The following RAB43 variants were observed in gnomAD, a reference collection of about 807,000 sequenced individuals.
RAB43 encodes the protein ras-related protein Rab-43.
A neutral mutation model predicts 18.8 loss-of-function variants in RAB43; 6 were observed. That is an observed-to-expected ratio of 0.32 (90% confidence interval 0.17 to 0.63). RAB43 has a LOEUF of 0.63. RAB43 is among the 30% of genes least tolerant of loss of function. The pLI, the probability that RAB43 is intolerant of heterozygous loss-of-function variation, is 0.79. For synonymous variants in RAB43, 103 were observed against 124.1 expected, an observed-to-expected ratio of 0.83 and a Z score of 1.13; for missense variants, 195 against 289.1, an observed-to-expected ratio of 0.67 and a Z score of 2.36.
intron 1 of RAB43, among the ~76,000 whole-genome samples, chr3:129,110,095 G>A (rs1395695585): frequency 6.6e-6 from 1 of 151,978 alleles, no homozygotes; most frequent in Non-Finnish European, 1.5e-5. Context: ...AAATTCCTGG[G>A]CTGTAGCAAT....
intron 2 of RAB43, chr3:129,092,685 G>A (rs927621042): frequency 1.3e-5 from 6 of 453,014 alleles, no homozygotes; most frequent in South Asian, 3.9e-5. Context: ...GGCCGGGCGC[G>A]GTGGCTCACG....
chr3:129,120,228 C>A (rs183208382), intron 1 of RAB43, among the ~76,000 whole-genome samples: 2 of 152,290 alleles, frequency 1.3e-5, no homozygotes, highest in East Asian at 1.9e-4. Context: ...CAGAAATTAT[C>A]CCAATTTTAT....
intron 1 of RAB43, among the ~76,000 whole-genome samples, chr3:129,102,581 G>C (rs1934493145): frequency 7.8e-6 from 1 of 127,932 alleles, no homozygotes; most frequent in African/African-American, 2.8e-5. Flanking sequence ...AGTGAGCCGA[G>C]ATAGTGCCAC....
chr3:129,109,497 G>A (rs1353971195), intron 1 of RAB43, among the ~76,000 whole-genome samples: 1 of 151,916 alleles, frequency 6.6e-6, no homozygotes, highest in East Asian at 1.9e-4. Context: ...AACACTTTGG[G>A]AGGCTGAGGC....
Position 129,094,975 on chromosome 3 carries a change from C to A in RAB43, c.388+11G>T. ...GATGGGATTTGTGGTCCCGAGGAAT[C>A]CCCAACTCACCGATCAGCAGCTGCA... On this transcript the variant is annotated intron_variant, in intron 2 of 2. Coordinates refer to ENST00000315150, the MANE Select transcript of RAB43 (RefSeq NM_198490.3). 6.2e-7 allele frequency: 1 copy of A among 1,608,854 alleles called. No homozygotes were observed. Among genetic ancestry groups the A allele is most frequent in the Non-Finnish European group, 8.5e-7 (1 of 1,176,898 alleles).
chr3:129,112,848 T>C lies in RAB43; in HGVS notation c.204+8438A>G, dbSNP rs560063689. On this transcript the variant is annotated intron_variant, in intron 1 of 2. Coordinates refer to ENST00000315150, the MANE Select transcript of RAB43 (RefSeq NM_198490.3). ...TACCTGCAGACTTGATCTCTGGGAC[T>C]TAAGCAATCCTCCCGCCTCAGCCTC... 2.4e-4 allele frequency among the ~76,000 whole-genome samples: 37 copies of C among 152,076 alleles called. 1 individual carries two copies. The South Asian group carries it at 6.6e-3, about 27-fold the overall frequency.
Position 129,095,991 on chromosome 3 carries a change from G to T in RAB43, c.205-822C>A, listed in dbSNP as rs1194615501. ...CACCAGCCAAGGGGCATATGCCAGG[G>T]ATCTTGGTGACCAAACACCTTGGGG... is the stretch of plus-strand genomic sequence containing the variant. On this transcript the variant is annotated intron_variant, in intron 1 of 2. Transcript: ENST00000315150. This position sits in a 1 kb window ranked among gnomAD's most constrained non-coding sequence, Gnocchi z 4.2. Among the ~76,000 whole-genome samples the T allele has an allele frequency of 6.6e-6, 1 of 152,222 alleles. No homozygotes were observed.
chr3:129,099,831 G>A (rs1037134471), intron 1 of RAB43, among the ~76,000 whole-genome samples: 10 of 152,110 alleles, frequency 6.6e-5, no homozygotes, highest in African/African-American at 2.4e-4. Context: ...GAGTTAATAT[G>A]AGGAAGGGGA....
chr3:129,114,678 A>C (rs998320238), intron 1 of RAB43, among the ~76,000 whole-genome samples: 1 of 152,204 alleles, frequency 6.6e-6, no homozygotes, highest in Non-Finnish European at 1.5e-5. Flanking sequence ...GTGCAAGGTA[A>C]AGAAACCTAC....
At chr3:129,100,564 A>G (rs1177350279) in intron 1 of RAB43, among the ~76,000 whole-genome samples, 1 of 152,234 alleles carries the variant, frequency 6.6e-6, no homozygotes, top group African/African-American at 2.4e-5. Flanking sequence ...ACTAAATGAA[A>G]AACCAACAAA....
chr3:129,097,630 G>T lies in RAB43; in HGVS notation c.205-2461C>A, dbSNP rs116703431. ...AAAAGGGAGGCAAAGGGAGATGCCA[G>T]GATGATGGAAAGAGAGATAAATCCC... On this transcript the variant is annotated intron_variant, in intron 1 of 2. Coordinates refer to ENST00000315150, the MANE Select transcript of RAB43 (RefSeq NM_198490.3). 5.1e-3 allele frequency among the ~76,000 whole-genome samples: 776 copies of T among 152,264 alleles called. 5 individuals carry two copies. The highest frequency in any genetic ancestry group is 0.017 in the African/African-American group (711 of 41,558).
At chr3:129,111,801 G>A (rs1432390435) in intron 1 of RAB43, among the ~76,000 whole-genome samples, 1 of 151,866 alleles carries the variant, frequency 6.6e-6, no homozygotes, top group Non-Finnish European at 1.5e-5. Flanking sequence ...ATAAACATGA[G>A]AGTCCTATTC....
chr3:129,117,317 G>C (rs761185781), intron 1 of RAB43, among the ~76,000 whole-genome samples: 8 of 152,180 alleles, frequency 5.3e-5, no homozygotes, highest in Non-Finnish European at 1.2e-4. Context: ...GAGGAAGCCT[G>C]AGGCTCCAAG....
At position 129,121,524 on chromosome 3, in the gene RAB43, C is replaced by T. The variant is rs571439537; in HGVS notation, c.-35G>A. 2.4e-5 allele frequency: 37 copies of T among 1,546,818 alleles called. No homozygotes were observed. In the African/African-American group the frequency reaches 3.8e-4, roughly 16 times the overall value. On this transcript the variant is annotated 5_prime_UTR_variant, in exon 1 of 3. Transcript: ENST00000315150. ...GAAGCCGAAGGGCCGGCGCTCTGGA[C>T]GCTGGGACCGGCCTGAGCTCACGCA...
chr3:129,102,026 C>G (rs936694855), intron 1 of RAB43, among the ~76,000 whole-genome samples: 2 of 152,194 alleles, frequency 1.3e-5, no homozygotes, highest in Admixed American at 1.3e-4. Context: ...TGTGCTCATG[C>G]CTCCATGACC....
At position 129,109,267 on chromosome 3, in the gene RAB43, G is replaced by A. The variant is rs557207584; in HGVS notation, c.204+12019C>T. On this transcript the variant is annotated intron_variant, in intron 1 of 2. Transcript: ENST00000315150. The stretch of plus-strand genomic sequence containing the variant: ...CTACTAAAAATACAAAAAATTAGCC[G>A]GGCGTGGTGGCGGGTGCCTGTACTT... 1.3e-3 allele frequency among the ~76,000 whole-genome samples: 199 copies of A among 152,082 alleles called. 1 individual carries two copies. Among genetic ancestry groups the A allele is most frequent in the South Asian group, 5.4e-3 (26 of 4,812 alleles).
Position 129,105,361 on chromosome 3 carries a change from G to A in RAB43, c.205-10192C>T, listed in dbSNP as rs1446084075. The stretch of plus-strand genomic sequence containing the variant: ...CTGGTTACTCAGGAGGCTGAAGCAC[G>A]AGAACTGCTTGAACCTGGGAGATGG... On this transcript the variant is annotated intron_variant, in intron 1 of 2. Transcript: ENST00000315150. 4.6e-5 allele frequency among the ~76,000 whole-genome samples: 7 copies of A among 152,312 alleles called. No homozygotes were observed. In the East Asian group the frequency reaches 7.7e-4, roughly 17 times the overall value.
intron 2 of RAB43, among the ~76,000 whole-genome samples, chr3:129,093,984 T>A (rs1933849242): frequency 6.6e-6 from 1 of 152,074 alleles, no homozygotes; most frequent in Admixed American, 6.6e-5. Flanking sequence ...AGGGATAACA[T>A]AAGAGCTAAA....
intron 1 of RAB43, among the ~76,000 whole-genome samples, chr3:129,098,151 A>C (rs899597852): frequency 6.6e-6 from 1 of 152,184 alleles, no homozygotes; most frequent in Non-Finnish European, 1.5e-5. Flanking sequence ...TCCAAGCCAG[A>C]CACAGTGAAC....
Sources: gnomAD v4.1 joint callset for allele counts (sites outside exome capture counted in the v4.1 genomes callset) on GRCh38, gnomAD v4.1.1 for gene constraint, Gnocchi (gnomAD v3.1) non-coding constraint, MANE v1.5 for transcripts, NCBI Gene and HGNC (gene_info 2026-07-23, HGNC 2026-07-21) for gene names.